Variants in TMEM272 observed in about 807,000 individuals in gnomAD.
TMEM272 encodes transmembrane protein 272.
A neutral mutation model predicts 3.7 loss-of-function variants in TMEM272; 8 were observed. That is an observed-to-expected ratio of 2.17 (90% CI 1.27 to 3.91). TMEM272 has a LOEUF of 3.91. Ranked by LOEUF, TMEM272 falls within the 30% of genes most tolerant of loss-of-function variation. The probability of loss-of-function intolerance (pLI) is 0.00; values close to 1 mark genes in which losing one functional copy is unlikely to be tolerated. For synonymous variants in TMEM272, 63 were observed against 39.8 expected (o/e 1.58, Z -2.20); for missense variants, 166 against 91.5 (o/e 1.81, Z -3.32).
At chr13:51,828,307 C>T (rs73494175) in intron 2 of TMEM272, among the ~76,000 whole-genome samples, 2,290 of 152,316 alleles carry the variant, frequency 0.015, 56 homozygotes, top group African/African-American at 0.052. Context: ...ATCTGGGAAT[C>T]TGTCTTCTCT....
chr13:51,892,609 A>ATC, the TMEM272 span, among the ~76,000 whole-genome samples: 1 of 152,072 alleles, frequency 6.6e-6, no homozygotes, highest in Admixed American at 6.6e-5. Flanking sequence ...CAGTGACTAC[A>ATC]TCTCTCTCTG....
At chr13:51,840,589 C>A in intron 1 of TMEM272, among the ~76,000 whole-genome samples, 1 of 152,280 alleles carries the variant, frequency 6.6e-6, no homozygotes, top group African/African-American at 2.4e-5. Context: ...CCAAAGGCAG[C>A]GCTTTGGATT....
At chr13:51,919,617 C>A in the TMEM272 span, among the ~76,000 whole-genome samples, 1 of 152,144 alleles carries the variant, frequency 6.6e-6, no homozygotes. Flanking sequence ...ACACACAGAT[C>A]CTGTTGGTTC....
chr13:51,923,124 T>C, the TMEM272 span, among the ~76,000 whole-genome samples: 94 of 152,306 alleles, frequency 6.2e-4, no homozygotes, highest in African/African-American at 2.0e-3. Context: ...TAACCTCACG[T>C]GGAGCTGGCT....
At chr13:51,883,939 C>A in the TMEM272 span, among the ~76,000 whole-genome samples, 1 of 152,184 alleles carries the variant, frequency 6.6e-6, no homozygotes, top group East Asian at 1.9e-4. Context: ...CTGCTCTTTC[C>A]CTTTGTAACT....
chr13:51,819,897 C>A (rs998658234), intron 4 of TMEM272, among the ~76,000 whole-genome samples: 1 of 152,104 alleles, frequency 6.6e-6, no homozygotes, highest in African/African-American at 2.4e-5. Flanking sequence ...GTAACAAATA[C>A]ATTTTATGCC....
chr13:51,825,517 G>A (rs1419608837), intron 3 of TMEM272, among the ~76,000 whole-genome samples: 3 of 152,070 alleles, frequency 2.0e-5, no homozygotes, highest in African/African-American at 7.2e-5. Flanking sequence ...AGGGTACTGG[G>A]TGTTTCGTTG....
chr13:51,886,728 A>G, the TMEM272 span, among the ~76,000 whole-genome samples: 1 of 152,248 alleles, frequency 6.6e-6, no homozygotes, highest in Admixed American at 6.5e-5. Context: ...ATTCCATCTT[A>G]GTAAGTTCCC....
the TMEM272 span, chr13:51,933,693 T>C: frequency 2.0e-5 from 3 of 152,264 alleles, no homozygotes; most frequent in Admixed American, 6.5e-5. Flanking sequence ...GGCAGTACCA[T>C]TTCCTCCAAG....
chr13:51,838,208 C>A (rs1187009312), intron 2 of TMEM272, among the ~76,000 whole-genome samples: 1 of 152,236 alleles, frequency 6.6e-6, no homozygotes, highest in Non-Finnish European at 1.5e-5. Flanking sequence ...AGCAGTGACT[C>A]CGTTCACATG....
chr13:51,872,240 C>G, the TMEM272 span, among the ~76,000 whole-genome samples: 1 of 151,872 alleles, frequency 6.6e-6, no homozygotes, highest in African/African-American at 2.4e-5. Flanking sequence ...ATCACTGAAA[C>G]AAGAACAAAA....
chr13:51,821,939 T>G lies in TMEM272; in HGVS notation c.201+116A>C, dbSNP rs936691316. Reference sequence around the variant, plus strand: ...AGCCCCATCACTTCAGCAACCACGCTTAGGGGGAAGTTGTTTTGTCTCCCC... The same window carrying G: ...AGCCCCATCACTTCAGCAACCACGCGTAGGGGGAAGTTGTTTTGTCTCCCC... On this transcript the variant is annotated intron_variant, in intron 4 of 4. Transcript: ENST00000629372. 2.2e-5 allele frequency: 15 copies of G among 691,266 alleles called. No individual in the cohort carries two copies. The African/African-American group carries it at 2.6e-4, about 12-fold the overall frequency. 42.8% of individuals were successfully genotyped at this position (691,266 alleles called of 1,614,324 possible).
chr13:51,906,330 T>C, the TMEM272 span, among the ~76,000 whole-genome samples: 1 of 152,070 alleles, frequency 6.6e-6, no homozygotes. Context: ...CTCCCATAGC[T>C]CCACCCTTGG....
At chr13:51,919,581 C>T in the TMEM272 span, among the ~76,000 whole-genome samples, 3 of 152,028 alleles carry the variant, frequency 2.0e-5, no homozygotes, top group African/African-American at 7.2e-5. Context: ...TTTTTTCACT[C>T]AACACTGTGT....
At chr13:51,922,101 CAG>C in the TMEM272 span, among the ~76,000 whole-genome samples, 2 of 152,214 alleles carry the variant, frequency 1.3e-5, no homozygotes, top group African/African-American at 4.8e-5. Context: ...CAGGGAGTGT[CAG>C]AGGGTGGAGA....
chr13:51,929,562 C>T, the TMEM272 span, among the ~76,000 whole-genome samples: 6 of 152,206 alleles, frequency 3.9e-5, no homozygotes, highest in Non-Finnish European at 8.8e-5. Context: ...CCAAAGGACA[C>T]CTTTCTTGTC....
chr13:51,825,662 C>G lies in TMEM272; in HGVS notation c.118+904G>C, dbSNP rs1455843640. ...TTTTTTTTTTTTTTGGAGACAGGGT[C>G]TCAGTCCTGTTGCCCAGGCTGGAGG... On this transcript the variant is annotated intron_variant, in intron 3 of 4. Transcript: ENST00000629372. 2.1e-5 allele frequency among the ~76,000 whole-genome samples: 3 copies of G among 144,728 alleles called. No individual in the cohort carries two copies. In the Admixed American group the frequency reaches 2.1e-4, roughly 10 times the overall value. 94.9% of individuals were successfully genotyped at this position (144,728 alleles called of 152,430 possible). A position where few individuals can be genotyped will look rare whatever the true frequency, so the allele number is the denominator to read the frequency against.
the TMEM272 span, among the ~76,000 whole-genome samples, chr13:51,911,791 T>G: frequency 6.6e-6 from 1 of 152,114 alleles, no homozygotes; most frequent in Admixed American, 6.5e-5. Flanking sequence ...CAGCCTCCAT[T>G]GGCTTCTAAA....
the TMEM272 span, among the ~76,000 whole-genome samples, chr13:51,859,547 C>CAG: frequency 2.6e-4 from 39 of 150,462 alleles, 1 homozygote; most frequent in Middle Eastern, 6.9e-3. Flanking sequence ...CACACACACA[C>CAG]AGACACCCCC....
Sources: gnomAD v4.1 joint callset for allele counts (sites outside exome capture counted in the v4.1 genomes callset) on GRCh38, gnomAD v4.1.1 for gene constraint, MANE v1.5 for transcripts, NCBI Gene and HGNC (gene_info 2026-07-23, HGNC 2026-07-21) for gene names.